LRBA: variants seen among roughly 807,000 people sequenced by gnomAD.
LRBA encodes the protein LPS responsive beige-like anchor protein, also known as lipopolysaccharide-responsive and beige-like anchor protein.
In LRBA, 176 loss-of-function variants were observed where a neutral mutation model predicts 330.0. The ratio of observed to expected loss-of-function variants is 0.53; its 90% CI spans 0.47 to 0.60. LRBA has a LOEUF of 0.60. Ranked by LOEUF, LRBA falls within the 20% of genes least tolerant of loss-of-function variation. The pLI is 0.00. For missense variants in LRBA, 3,259 were observed against 3,444.8 expected (o/e 0.95, Z 1.35); for synonymous variants, 1,230 against 1,193.0 (o/e 1.03, Z -0.64).
intron 37 of LRBA, among the ~76,000 whole-genome samples, chr4:150,673,835 T>G (rs560811474): frequency 6.8e-4 from 104 of 152,370 alleles, no homozygotes; most frequent in African/African-American, 2.4e-3. Flanking sequence ...AATATTTGAA[T>G]AATATTGTGT....
intron 34 of LRBA, among the ~76,000 whole-genome samples, chr4:150,795,508 A>G (rs1442280816): frequency 6.6e-6 from 1 of 152,008 alleles, no homozygotes; most frequent in Admixed American, 6.6e-5. Flanking sequence ...ATTATTCTAC[A>G]TGGGATTCAA....
At chr4:150,807,045 T>A (rs1188254453) in intron 32 of LRBA, among the ~76,000 whole-genome samples, 2 of 150,566 alleles carry the variant, frequency 1.3e-5, no homozygotes, top group Non-Finnish European at 1.5e-5. Context: ...TATTAATATA[T>A]ATTTGTGATT....
intron 21 of LRBA, 29 bp from the exon 22 acceptor site, chr4:150,867,892 C>A: frequency 6.6e-7 from 1 of 1,521,452 alleles, no homozygotes; most frequent in Non-Finnish European, 8.9e-7. Flanking sequence ...TACTAAATTA[C>A]TGAAGAAAAA....
intron 2 of LRBA, among the ~76,000 whole-genome samples, chr4:150,978,015 T>A (rs570282261): frequency 6.6e-6 from 1 of 152,340 alleles, no homozygotes; most frequent in Middle Eastern, 3.4e-3. Flanking sequence ...CTGCTGATGG[T>A]AGAGCCCTAG....
At chr4:150,522,782 T>C (rs898953506) in intron 40 of LRBA, among the ~76,000 whole-genome samples, 58 of 152,154 alleles carry the variant, frequency 3.8e-4, no homozygotes, top group African/African-American at 2.2e-4. Context: ...CAGAGTGCAA[T>C]AGCTGTGGAG....
chr4:150,319,816 T>G (rs1280632280), intron 50 of LRBA, among the ~76,000 whole-genome samples: 1 of 152,174 alleles, frequency 6.6e-6, no homozygotes, highest in African/African-American at 2.4e-5. Flanking sequence ...CAAGTTTTTG[T>G]TTGAATGTCA....
chr4:150,882,263 C>CAA (rs528984569), intron 17 of LRBA, among the ~76,000 whole-genome samples: 2 of 152,088 alleles, frequency 1.3e-5, no homozygotes, highest in Non-Finnish European at 2.9e-5. Context: ...CACTTCTAAC[C>CAA]AAAGCAGAAT....
intron 2 of LRBA, among the ~76,000 whole-genome samples, chr4:150,983,933 T>C (rs1579401588): frequency 6.6e-6 from 1 of 152,202 alleles, no homozygotes; most frequent in Non-Finnish European, 1.5e-5. Flanking sequence ...TGCATTCATT[T>C]ATTCATTTAT....
intron 53 of LRBA, among the ~76,000 whole-genome samples, chr4:150,295,077 C>G (rs1220553156): frequency 1.3e-5 from 2 of 151,898 alleles, no homozygotes; most frequent in African/African-American, 4.8e-5. Flanking sequence ...AGATGGTTCT[C>G]TCCTTGATAA....
At chr4:150,883,325 G>A (rs1453014067) in intron 17 of LRBA, among the ~76,000 whole-genome samples, 1 of 151,916 alleles carries the variant, frequency 6.6e-6, no homozygotes, top group African/African-American at 2.4e-5. Flanking sequence ...CCAGGCATGG[G>A]GGTGGGCGCC....
chr4:150,330,090 G>A (rs1017573134), intron 48 of LRBA, among the ~76,000 whole-genome samples: 3 of 152,096 alleles, frequency 2.0e-5, no homozygotes, highest in African/African-American at 7.2e-5. Flanking sequence ...AAAGATAAAA[G>A]CTAATGCCAG....
At chr4:150,954,817 CAAAAAAAAAAAA>C (rs34282784) in intron 2 of LRBA, among the ~76,000 whole-genome samples, 768 of 45,590 alleles carry the variant, frequency 0.017, 30 homozygotes, top group Admixed American at 0.021. Context: ...ACTCAGAAAT[CAAAAAAAAAAAA>C]AAAAAAAAAG....
intron 2 of LRBA, among the ~76,000 whole-genome samples, chr4:150,984,755 C>G (rs1477643779): frequency 1.3e-5 from 2 of 151,812 alleles, no homozygotes; most frequent in Non-Finnish European, 2.9e-5. Context: ...CAAACAGAGA[C>G]GCATTTGGGT....
chr4:150,287,830 C>T (rs1390909176), intron 53 of LRBA, among the ~76,000 whole-genome samples: 4 of 152,182 alleles, frequency 2.6e-5, no homozygotes, highest in Admixed American at 2.0e-4. Context: ...GGGAGGCAAA[C>T]TTACCTTAAT....
In LRBA at chr4:150,734,505, A is replaced by T. The variant is rs1730935366; in HGVS notation, c.5754+753T>A. On this transcript the variant is annotated intron_variant, in intron 36 of 56. Coordinates refer to ENST00000651943, the MANE Select transcript of LRBA (RefSeq NM_001364905.1). ...TTTTCTAATGTACCAGAAAAATGTCAGCAACATATGAGTTTATCTGTTCTT... is the reference window on the plus strand; with the variant it reads ...TTTTCTAATGTACCAGAAAAATGTCTGCAACATATGAGTTTATCTGTTCTT... Among the ~76,000 whole-genome samples, 4 of 152,188 alleles carry T rather than the reference A, an allele frequency of 2.6e-5. 1 individual carries two copies. The South Asian group carries it at 8.3e-4, about 31-fold the overall frequency.
rs748531851 is a variant in LRBA at position 150,803,083 on chromosome 4, T to TATACACAC, written c.5518+3187_5518+3188insGTGTGTAT. On this transcript the variant is annotated intron_variant, in intron 33 of 56. Transcript: ENST00000651943. ...AAAACAAACAAAAAAAAAATATATA[T>TATACACAC]ACACACACACACACACACACACACA... is the stretch of plus-strand genomic sequence containing the variant. Among the ~76,000 whole-genome samples, 716 of 128,464 alleles carry TATACACAC rather than the reference T, an allele frequency of 5.6e-3. 20 individuals carry two copies. The East Asian group carries it at 0.074, about 13-fold the overall frequency. The allele number at this position is 128,464 out of a possible 152,430, so 84.3% of individuals were successfully genotyped here. A position where few individuals can be genotyped will look rare whatever the true frequency, so the allele number is the denominator to read the frequency against.
intron 36 of LRBA, among the ~76,000 whole-genome samples, chr4:150,703,665 G>A (rs528856770): frequency 5.9e-5 from 9 of 152,136 alleles, no homozygotes; most frequent in East Asian, 5.8e-4. Context: ...AAAACAAAAG[G>A]TAGTAAAGGT....
At chr4:150,753,474 CATTCTT>C (rs1733835850) in intron 35 of LRBA, among the ~76,000 whole-genome samples, 1 of 152,098 alleles carries the variant, frequency 6.6e-6, no homozygotes, top group Admixed American at 6.6e-5. Context: ...TTTCTATAAT[CATTCTT>C]ATTTAATAAA....
intron 29 of LRBA, among the ~76,000 whole-genome samples, chr4:150,830,201 T>C (rs773031356): frequency 3.9e-5 from 6 of 152,176 alleles, no homozygotes; most frequent in Non-Finnish European, 5.9e-5. Flanking sequence ...TGGACTAGGC[T>C]TGACTGACAA....
Sources: allele counts gnomAD v4.1 joint callset (sites outside exome capture counted in the v4.1 genomes callset), GRCh38; gene constraint gnomAD v4.1.1; transcripts MANE v1.5; gene names NCBI Gene and HGNC (gene_info 2026-07-23, HGNC 2026-07-21).